Variants in SLC35F3 observed in about 807,000 individuals in gnomAD.
The protein encoded by SLC35F3 is putative thiamine transporter SLC35F3.
In SLC35F3, 25 loss-of-function variants were observed where a neutral mutation model predicts 49.9. The observed-to-expected ratio is 0.50, with a 90% CI of 0.37 to 0.70. The LOEUF (loss-of-function observed/expected upper bound fraction) is 0.70, where lower values mean the gene tolerates loss of function less well. Among genes scored for constraint, SLC35F3 ranks in the 30% least tolerant of loss-of-function variants. The probability of loss-of-function intolerance (pLI) is 0.00; values close to 1 mark genes in which losing one functional copy is unlikely to be tolerated. For synonymous variants in SLC35F3, 275 were observed against 265.4 expected (o/e 1.04, Z -0.35); for missense variants, 525 against 639.8 (o/e 0.82, Z 1.94).
intron 2 of SLC35F3, among the ~76,000 whole-genome samples, chr1:234,217,688 G>A (rs1023482819): frequency 3.3e-5 from 5 of 152,116 alleles, no homozygotes; most frequent in African/African-American, 1.2e-4. Context: ...AGGCTTTTCT[G>A]AGAAGGAGGG....
At chr1:234,136,924 T>A (rs573719685) in intron 2 of SLC35F3, among the ~76,000 whole-genome samples, 93 of 152,240 alleles carry the variant, frequency 6.1e-4, no homozygotes, top group Non-Finnish European at 1.2e-3. Flanking sequence ...AAATAATGCA[T>A]GTATCTCTAA....
Position 234,183,593 on chromosome 1 carries a change from A to G in SLC35F3, c.284-47824A>G, listed in dbSNP as rs994798914. Among the ~76,000 whole-genome samples, 2 of 142,838 alleles carry G rather than the reference A, an allele frequency of 1.4e-5. 1 individual carries two copies. Among genetic ancestry groups the G allele is most frequent in the Non-Finnish European group, 3.0e-5 (2 of 67,058 alleles). The allele number at this position is 142,838 out of a possible 152,430, so 93.7% of individuals were successfully genotyped here. On this transcript the variant is annotated intron_variant, in intron 2 of 7. Transcript: ENST00000366618. ...TACGTAGCAGGCTGTATCCTTTTTC[A>G]TTAAACGATACTGTGTCGCTGGCCT...
At chr1:234,140,555 G>A (rs1380226626) in intron 2 of SLC35F3, among the ~76,000 whole-genome samples, 4 of 152,112 alleles carry the variant, frequency 2.6e-5, no homozygotes, top group South Asian at 2.1e-4. Context: ...CATAGATAAG[G>A]GTGTCTACTG....
chr1:234,066,945 A>T (rs534466514), intron 2 of SLC35F3, among the ~76,000 whole-genome samples: 8 of 152,158 alleles, frequency 5.3e-5, no homozygotes, highest in African/African-American at 1.9e-4. Context: ...TAGGGAATAC[A>T]TAATTCCATG....
At position 234,324,364 on chromosome 1, in the gene SLC35F3, CA is replaced by C. The variant is rs1338331275; in HGVS notation, c.*1122del. 3 of 152,188 alleles carry C rather than the reference CA, an allele frequency of 2.0e-5. No homozygotes were observed. The highest frequency in any genetic ancestry group is 7.2e-5 in the African/African-American group (3 of 41,454). The allele number at this position is 152,188 out of a possible 1,614,324, so 9.4% of individuals were successfully genotyped here. On this transcript the variant is annotated 3_prime_UTR_variant, in exon 8 of 8. Transcript: ENST00000366618. Reference sequence around the variant, plus strand: ...TGGAAACATTATTTTGAAACGTTGTCATAACCCAATGGTGCATTCTGTAACC... The same window carrying C: ...TGGAAACATTATTTTGAAACGTTGTCTAACCCAATGGTGCATTCTGTAACC...
chr1:233,984,263 C>G (rs1281398331), intron 2 of SLC35F3, among the ~76,000 whole-genome samples: 1 of 152,194 alleles, frequency 6.6e-6, no homozygotes, highest in Admixed American at 6.5e-5. Flanking sequence ...AGAAAAGCAA[C>G]AAGTATTTTG....
chr1:234,057,708 GTCTT>G (rs150136034), intron 2 of SLC35F3, among the ~76,000 whole-genome samples: 2,843 of 152,082 alleles, frequency 0.019, 115 homozygotes, highest in East Asian at 0.17. Flanking sequence ...AGATATCTGT[GTCTT>G]TCTTTATTTT....
chr1:234,127,149 C>A (rs574934861), intron 2 of SLC35F3, among the ~76,000 whole-genome samples: 36 of 152,202 alleles, frequency 2.4e-4, no homozygotes, highest in Non-Finnish European at 5.3e-4. Context: ...GCTGCCTACT[C>A]ATCTTTTAAG....
intron 4 of SLC35F3, among the ~76,000 whole-genome samples, chr1:234,312,003 G>T (rs759900420): frequency 3.3e-5 from 5 of 152,204 alleles, no homozygotes; most frequent in Non-Finnish European, 7.3e-5. Context: ...TCAACAAATG[G>T]TATCTTTTCT....
chr1:234,000,421 C>A (rs997191794), intron 2 of SLC35F3, among the ~76,000 whole-genome samples: 9 of 152,160 alleles, frequency 5.9e-5, no homozygotes, highest in African/African-American at 2.2e-4. Context: ...TGCTGACTAA[C>A]AAGGCTCTCT....
At position 234,214,343 on chromosome 1, in the gene SLC35F3, C is replaced by T; in HGVS notation, c.284-17074C>T. The T allele has an allele frequency of 7.6e-7, 1 of 1,312,956 alleles. No homozygotes were observed. The highest frequency in any genetic ancestry group is 3.2e-5 in the East Asian group (1 of 31,398). 81.3% of individuals were successfully genotyped at this position (1,312,956 alleles called of 1,614,324 possible). A position where few individuals can be genotyped will look rare whatever the true frequency, so the allele number is the denominator to read the frequency against. On this transcript the variant is annotated intron_variant, in intron 2 of 7. Transcript: ENST00000366618. The surrounding 1 kb of genome is among the most constrained non-coding windows in gnomAD (Gnocchi z 8.0). Reference sequence around the variant, plus strand: ...GAGCAACGCGGCAACCGGAGCCCGGCGGGCAGCCGGGGAGGCCGGGACTGA... The same window carrying T: ...GAGCAACGCGGCAACCGGAGCCCGGTGGGCAGCCGGGGAGGCCGGGACTGA...
At chr1:234,316,359 GC>G (rs1336750045) in intron 4 of SLC35F3, among the ~76,000 whole-genome samples, 1 of 152,202 alleles carries the variant, frequency 6.6e-6, no homozygotes, top group Non-Finnish European at 1.5e-5. Flanking sequence ...CCCATTCCCT[GC>G]TGCCAGCAGT....
intron 2 of SLC35F3, among the ~76,000 whole-genome samples, chr1:234,133,963 T>C (rs1032258075): frequency 6.6e-6 from 1 of 152,160 alleles, no homozygotes; most frequent in Non-Finnish European, 1.5e-5. Flanking sequence ...GGCTCTAGTA[T>C]AGAAAGACTC....
rs1253469226 is a variant in SLC35F3, at chr1:234,320,550, A to G, written c.1237+363A>G. ...TATGGGGAGCAGAATGAATCTCATCAGCATTATTAACAAATGTAGGAAATG... is the reference window on the plus strand; with the variant it reads ...TATGGGGAGCAGAATGAATCTCATCGGCATTATTAACAAATGTAGGAAATG... On this transcript the variant is annotated intron_variant, in intron 7 of 7. Coordinates refer to ENST00000366618, the MANE Select transcript of SLC35F3 (RefSeq NM_173508.4). The surrounding 1 kb of genome is among the most constrained non-coding windows in gnomAD (Gnocchi z 4.8). Among the ~76,000 whole-genome samples, 1 of 152,220 alleles carries G rather than the reference A, an allele frequency of 6.6e-6. No homozygotes were observed. The highest frequency in any genetic ancestry group is 2.4e-5 in the African/African-American group (1 of 41,460).
chr1:234,127,538 G>T (rs968013278), intron 2 of SLC35F3, among the ~76,000 whole-genome samples: 16 of 152,116 alleles, frequency 1.1e-4, no homozygotes, highest in African/African-American at 3.9e-4. Context: ...GCTGTCATTC[G>T]ATGCAGCTCA....
intron 2 of SLC35F3, among the ~76,000 whole-genome samples, chr1:233,955,633 A>T (rs60890680): frequency 0.06 from 9,056 of 152,086 alleles, 450 homozygotes; most frequent in East Asian, 0.23. Context: ...GTTTTAAAAC[A>T]TCTCTTACCT....
At chr1:234,082,204 C>G (rs1018218060) in intron 2 of SLC35F3, among the ~76,000 whole-genome samples, 1 of 152,198 alleles carries the variant, frequency 6.6e-6, no homozygotes, top group East Asian at 1.9e-4. Context: ...AATTGTAGAT[C>G]AGTTTTCTGC....
At chr1:234,224,959 T>A (rs1021370951) in intron 2 of SLC35F3, among the ~76,000 whole-genome samples, 11 of 152,222 alleles carry the variant, frequency 7.2e-5, no homozygotes, top group African/African-American at 2.7e-4. Flanking sequence ...TTCAATTATC[T>A]ATAGATTATG....
chr1:234,024,080 C>G (rs1414490768), intron 2 of SLC35F3, among the ~76,000 whole-genome samples: 1 of 152,140 alleles, frequency 6.6e-6, no homozygotes, highest in Non-Finnish European at 1.5e-5. Flanking sequence ...TGATTCACCA[C>G]TTGTGACAAA....
Sources: gnomAD v4.1 joint callset for allele counts (sites outside exome capture counted in the v4.1 genomes callset) on GRCh38, gnomAD v4.1.1 for gene constraint, Gnocchi (gnomAD v3.1) non-coding constraint, MANE v1.5 for transcripts, NCBI Gene and HGNC (gene_info 2026-07-23, HGNC 2026-07-21) for gene names.